CACNB1: variants seen among roughly 807,000 people sequenced by gnomAD.
The protein encoded by CACNB1 is calcium voltage-gated channel auxiliary subunit beta 1.
A neutral mutation model predicts 71.6 loss-of-function variants in CACNB1; 29 were observed. That is an observed-to-expected ratio of 0.40 (90% confidence interval 0.30 to 0.55). The LOEUF is 0.55. Among genes scored for constraint, CACNB1 ranks in the 20% least tolerant of loss-of-function variants. The probability of loss-of-function intolerance (pLI) is 0.38; values close to 1 mark genes in which losing one functional copy is unlikely to be tolerated. For synonymous variants in CACNB1, 300 were observed against 319.6 expected, an observed-to-expected ratio of 0.94 and a Z score of 0.65; for missense variants, 623 against 801.8, an observed-to-expected ratio of 0.78 and a Z score of 2.69.
chr17:39,187,752 A>G, intron 3 of CACNB1, 151 bp from the exon 4 acceptor site: 4 of 941,436 alleles, frequency 4.2e-6, no homozygotes, highest in Non-Finnish European at 6.4e-6. Context: ...GGTGGCTCAC[A>G]CCTGTATTTC....
At chr17:39,197,263 C>T (rs1191978322) in intron 1 of CACNB1, 149 bp downstream of exon 1, 1 of 234,152 alleles carries the variant, frequency 4.3e-6, no homozygotes. Flanking sequence ...GCCCATCAAT[C>T]ACAACCTGCA....
At chr17:39,184,224 G>C in intron 9 of CACNB1, 84 bp from the exon 10 acceptor site, 4 of 1,296,380 alleles carry the variant, frequency 3.1e-6, no homozygotes, top group Non-Finnish European at 3.3e-6. Flanking sequence ...CCCGCCTTCT[G>C]TTCCTCAGTC....
intron 3 of CACNB1, among the ~76,000 whole-genome samples, chr17:39,188,571 CAA>C (rs35050861): frequency 6.2e-5 from 7 of 112,676 alleles, no homozygotes; most frequent in Admixed American, 8.7e-5. Flanking sequence ...GAGACTCCGT[CAA>C]AAAAAAAAAA....
intron 13 of CACNB1, chr17:39,177,035 G>T: frequency 8.9e-7 from 1 of 1,126,826 alleles, no homozygotes; most frequent in Non-Finnish European, 1.2e-6. Flanking sequence ...CTCCCATCAG[G>T]CCTCATATCC....
At chr17:39,190,992 C>A (rs924050637) in intron 3 of CACNB1, among the ~76,000 whole-genome samples, 4 of 151,914 alleles carry the variant, frequency 2.6e-5, no homozygotes, top group Admixed American at 2.6e-4. Flanking sequence ...ATCACAAGGT[C>A]AGGAGATCGA....
At chr17:39,184,735 A>G in intron 8 of CACNB1, 49 bp downstream of exon 8, 1 of 1,270,308 alleles carries the variant, frequency 7.9e-7, no homozygotes, top group Non-Finnish European at 1.2e-6. Flanking sequence ...TGGGGTCTGA[A>G]GATCTTTCTA....
intron 11 of CACNB1, among the ~76,000 whole-genome samples, chr17:39,180,724 T>A (rs996695126): frequency 1.3e-5 from 2 of 151,904 alleles, no homozygotes; most frequent in Non-Finnish European, 2.9e-5. Context: ...CTGAAAAAAA[T>A]TAGACTGTAC....
Position 39,191,465 on chromosome 17 carries a change from C to T in CACNB1, c.291+9G>A. On this transcript the variant is annotated intron_variant, in intron 3 of 13. Transcript: ENST00000394303. ...ATGCCAGCACAGCCCCTCCCCACATCTTTCTCACCTTGGCCTTCTCGAGCT... is the reference window on the plus strand; with the variant it reads ...ATGCCAGCACAGCCCCTCCCCACATTTTTCTCACCTTGGCCTTCTCGAGCT... 6.3e-7 allele frequency: 1 copy of T among 1,596,224 alleles called. No homozygotes were observed. The highest frequency in any genetic ancestry group is 8.5e-7 in the Non-Finnish European group (1 of 1,174,062).
intron 6 of CACNB1, 38 bp from the exon 7 acceptor site, chr17:39,185,188 A>G: frequency 6.3e-7 from 1 of 1,582,172 alleles, no homozygotes; most frequent in Admixed American, 1.7e-5. Flanking sequence ...AAGGGGGAGG[A>G]GAGAGGGAAG....
At position 39,197,560 on chromosome 17, in the gene CACNB1, G is replaced by A. The variant is rs2046228250; in HGVS notation, c.-65C>T. 4 of 1,244,040 alleles carry A rather than the reference G, an allele frequency of 3.2e-6. No individual in the cohort carries two copies. The highest frequency in any genetic ancestry group is 1.5e-5 in the South Asian group (1 of 66,680). 77.1% of individuals were successfully genotyped at this position (1,244,040 alleles called of 1,614,324 possible). A position where few individuals can be genotyped will look rare whatever the true frequency, so the allele number is the denominator to read the frequency against. On this transcript the variant is annotated 5_prime_UTR_variant, in exon 1 of 14. Transcript: ENST00000394303. ...CGGGCTCCCTCAGCGCATGGGAGAG[G>A]CCGTGGGAGCCGAAAGCAGCGCGGC...
intron 2 of CACNB1, chr17:39,193,746 C>T: frequency 4.7e-6 from 1 of 214,614 alleles, no homozygotes. Flanking sequence ...TCCTTTTCTG[C>T]CAAGAGGGGC....
intron 11 of CACNB1, among the ~76,000 whole-genome samples, chr17:39,180,565 G>T (rs1247782899): frequency 4.6e-5 from 7 of 151,390 alleles, no homozygotes; most frequent in Admixed American, 6.6e-5. Context: ...TGAGGCAGGA[G>T]AATCACTTGA....
chr17:39,176,103 G>C (rs997099135), intron 13 of CACNB1, among the ~76,000 whole-genome samples: 4 of 151,992 alleles, frequency 2.6e-5, no homozygotes, highest in Non-Finnish European at 5.9e-5. Flanking sequence ...TGGCTTCTTC[G>C]ACCCACACCA....
chr17:39,174,603 C>G lies in CACNB1; in HGVS notation c.*590G>C, dbSNP rs2045531304. The stretch of plus-strand genomic sequence containing the variant: ...ACGGAGGGTAGAGGGTGCTGTATGC[C>G]TGCCAGCTTCCACCCAGAACCCTCC... On this transcript the variant is annotated 3_prime_UTR_variant, in exon 14 of 14. Transcript: ENST00000394303. 1 of 152,758 alleles carries G rather than the reference C, an allele frequency of 6.5e-6. No homozygotes were observed. The highest frequency in any genetic ancestry group is 2.1e-4 in the South Asian group (1 of 4,838). The allele number at this position is 152,758 out of a possible 1,614,324, so 9.5% of individuals were successfully genotyped here.
At position 39,175,547 on chromosome 17, in the gene CACNB1, G is replaced by A. The variant is rs1224386065; in HGVS notation, c.1443C>T (p.Ser481=). The A allele has an allele frequency of 1.2e-6, 2 of 1,613,728 alleles. No homozygotes were observed. The highest frequency in any genetic ancestry group is 1.7e-6 in the Non-Finnish European group (2 of 1,179,934). ...ELGQPPGLYP[S]SHPPGRAGTL... ...TGCCTGCCCGGCCTGGTGGGTGGCT[G>A]CTGGGGTAAAGGCCTGGGGGCTGGC... Residue 481 remains serine (S), a synonymous_variant, in exon 14 of 14, where the codon AGC becomes AGT. Coordinates refer to ENST00000394303, the MANE Select transcript of CACNB1 (RefSeq NM_000723.5). The surrounding 1 kb of genome is among the most constrained non-coding windows in gnomAD (Gnocchi z 4.7).
intron 3 of CACNB1, 29 bp downstream of exon 3, chr17:39,191,445 A>G: frequency 6.3e-7 from 1 of 1,579,852 alleles, no homozygotes; most frequent in South Asian, 1.2e-5. Context: ...AAATCATGCC[A>G]GCACAGCCCC....
At chr17:39,183,976 C>T (rs1209152505) in intron 10 of CACNB1, 55 bp downstream of exon 10, 2 of 1,538,342 alleles carry the variant, frequency 1.3e-6, no homozygotes, top group African/African-American at 2.7e-5. Context: ...ACACCTCCCA[C>T]CCCTCCCACA....
At chr17:39,177,231 G>T in intron 13 of CACNB1, 119 bp downstream of exon 13, 1 of 1,565,806 alleles carries the variant, frequency 6.4e-7, no homozygotes, top group Admixed American at 1.8e-5. Flanking sequence ...GAGGGAAGAC[G>T]GGCAGGGCGC....
chr17:39,190,338 G>T (rs1002160009), intron 3 of CACNB1, among the ~76,000 whole-genome samples: 2 of 152,104 alleles, frequency 1.3e-5, no homozygotes, highest in African/African-American at 4.8e-5. Context: ...GGAGGTCAAG[G>T]CTCCAGTGAG....
Sources: gnomAD v4.1 joint callset for allele counts (sites outside exome capture counted in the v4.1 genomes callset) on GRCh38, gnomAD v4.1.1 for gene constraint, Gnocchi (gnomAD v3.1) non-coding constraint, MANE v1.5 for transcripts, NCBI Gene and HGNC (gene_info 2026-07-23, HGNC 2026-07-21) for gene names.